The following LRRCC1 variants were observed in gnomAD, a reference collection of about 807,000 sequenced individuals.
LRRCC1 encodes the protein leucine rich repeat and coiled-coil centrosomal protein 1.
LRRCC1 carries 115 observed loss-of-function variants against 126.0 expected under a neutral mutation model. That is an observed-to-expected ratio of 0.91 (90% CI 0.78 to 1.07). The LOEUF (loss-of-function observed/expected upper bound fraction) is 1.07. Among genes scored for constraint, LRRCC1 ranks in the 50% least tolerant of loss-of-function variants. LRRCC1 has a pLI of 0.00. For missense variants in LRRCC1, 1,172 were observed against 1,175.7 expected, an observed-to-expected ratio of 1.00 and a Z score of 0.05; for synonymous variants, 400 against 393.4, an observed-to-expected ratio of 1.02 and a Z score of -0.20.
At chr8:85,123,106 C>T (rs1242359551) in intron 6 of LRRCC1, among the ~76,000 whole-genome samples, 3 of 152,152 alleles carry the variant, frequency 2.0e-5, no homozygotes, top group Admixed American at 2.0e-4. Context: ...TCATTCTGGT[C>T]CATTTTCCAA....
rs1811612426 is a variant in LRRCC1 at position 85,145,479 on chromosome 8, T to C, written c.3067T>C (p.Phe1023Leu). ...GGAAGCAAAAATTAAGCAACTTGCT[T>C]TTGCTTTAAATGAAATTCAGCAAGA... ...TMEAKIKQLA[F>L]ALNEIQQDM The change falls in exon 19 of 19, where the codon TTT (phenylalanine) becomes CTT (leucine). Residue 1023 changes from phenylalanine (F) to leucine (L), a missense_variant. By Grantham distance (22) the Phe-to-Leu change is conservative. Coordinates refer to ENST00000360375, the MANE Select transcript of LRRCC1 (RefSeq NM_033402.5). 1.9e-6 allele frequency: 3 copies of C among 1,588,238 alleles called. No individual in the cohort carries two copies. Among genetic ancestry groups the C allele is most frequent in the Non-Finnish European group, 1.7e-6 (2 of 1,171,644 alleles).
At chr8:85,125,052 T>C (rs1809867336) in intron 8 of LRRCC1, 113 bp downstream of exon 8, 1 of 647,512 alleles carries the variant, frequency 1.5e-6, no homozygotes, top group Non-Finnish European at 2.5e-6. Flanking sequence ...ATTGGAGTGA[T>C]GAAAATGGGT....
chr8:85,140,905 A>C (rs1811204646), intron 17 of LRRCC1, among the ~76,000 whole-genome samples: 1 of 152,102 alleles, frequency 6.6e-6, no homozygotes, highest in Admixed American at 6.6e-5. Flanking sequence ...TCTACTAAAA[A>C]TACAGAAAAT....
At position 85,110,100 on chromosome 8, in the gene LRRCC1, A is replaced by AT; in HGVS notation, c.311-15_311-14insT. On this transcript the variant is annotated splice_polypyrimidine_tract_variant and intron_variant, in intron 2 of 18. Transcript: ENST00000360375. ...TTTTATAAAGGCTTTATTTTATTTT[A>AT]CTTTTTTTTTTTAGGACTTGAAGAA... The AT allele has an allele frequency of 9.8e-7, 1 of 1,022,466 alleles. No individual in the cohort carries two copies. Among genetic ancestry groups the AT allele is most frequent in the Non-Finnish European group, 1.4e-6 (1 of 691,472 alleles). The allele number at this position is 1,022,466 out of a possible 1,614,324, so 63.3% of individuals were successfully genotyped here.
At chr8:85,139,952 C>G (rs921139035) in intron 17 of LRRCC1, among the ~76,000 whole-genome samples, 1 of 152,132 alleles carries the variant, frequency 6.6e-6, no homozygotes, top group Non-Finnish European at 1.5e-5. Flanking sequence ...AGATTCTGTT[C>G]CACTTTGCTT....
intron 1 of LRRCC1, among the ~76,000 whole-genome samples, chr8:85,108,185 T>A (rs1417829255): frequency 6.6e-6 from 1 of 152,260 alleles, no homozygotes; most frequent in Non-Finnish European, 1.5e-5. Flanking sequence ...GCGTGTCCTC[T>A]ACGCGAACTC....
chr8:85,124,930 C>G lies in LRRCC1; in HGVS notation c.1263C>G (p.Asn421Lys). 6.3e-7 allele frequency: 1 copy of G among 1,592,364 alleles called. No individual in the cohort carries two copies. The highest frequency in any genetic ancestry group is 1.4e-5 in the African/African-American group (1 of 73,734). ...IKVDQSHSED[N>K]TYQSLVEQLD... ...TAGACCAAAGTCACTCAGAAGACAACACTTACCAGGTATGATTTAAGAGTT... is the reference window on the plus strand; with the variant it reads ...TAGACCAAAGTCACTCAGAAGACAAGACTTACCAGGTATGATTTAAGAGTT... Residue 421 changes from asparagine (N) to lysine (K), a missense_variant, in exon 8 of 19, where the codon AAC becomes AAG. By Grantham distance (94) the Asn-to-Lys change is moderately conservative (BLOSUM62 0). Transcript: ENST00000360375.
intron 18 of LRRCC1, among the ~76,000 whole-genome samples, chr8:85,143,298 G>A (rs1356447013): frequency 6.6e-6 from 1 of 151,746 alleles, no homozygotes; most frequent in Non-Finnish European, 1.5e-5. Flanking sequence ...TCCAGCCTGG[G>A]CAACAAGAGT....
Position 85,131,813 on chromosome 8 carries a change from T to A in LRRCC1, c.1820T>A (p.Leu607Ter), listed in dbSNP as rs777488794. ...FFTDADFQDA[L>*]AKEIAKEEKK... ...ACTGATGCTGACTTCCAGGATGCCT[T>A]AGCTAAAGAAATAGCCAAAGAAGAG... is the stretch of plus-strand genomic sequence containing the variant. The change falls in exon 12 of 19, where the codon TTA becomes TAA. Residue 607 changes from leucine (L) to a stop codon, truncating the protein, a stop_gained. Coordinates refer to ENST00000360375, the MANE Select transcript of LRRCC1 (RefSeq NM_033402.5). LOFTEE classifies it high-confidence loss of function. 4 of 1,613,830 alleles carry A rather than the reference T, an allele frequency of 2.5e-6. 1 individual carries two copies. In the Admixed American group the frequency reaches 6.7e-5, roughly 27 times the overall value.
At chr8:85,137,985 A>G (rs776504032) in intron 15 of LRRCC1, 50 bp from the exon 16 acceptor site, 6 of 884,318 alleles carry the variant, frequency 6.8e-6, no homozygotes, top group Non-Finnish European at 1.0e-5. Context: ...TAACCAGAAT[A>G]TGAAGCATTT....
intron 14 of LRRCC1, among the ~76,000 whole-genome samples, chr8:85,137,138 T>C (rs1462908887): frequency 6.6e-6 from 1 of 152,188 alleles, no homozygotes; most frequent in Non-Finnish European, 1.5e-5. Context: ...AGATATTTGG[T>C]CTTAATGGAG....
chr8:85,133,508 C>G (rs1810637733), intron 12 of LRRCC1, among the ~76,000 whole-genome samples: 1 of 152,190 alleles, frequency 6.6e-6, no homozygotes, highest in Non-Finnish European at 1.5e-5. Flanking sequence ...GTCTAACCAC[C>G]TATTTAACAT....
At position 85,131,874 on chromosome 8, in the gene LRRCC1, G is replaced by T; in HGVS notation, c.1881G>T (p.Glu627Asp). Residue 627 changes from glutamate (E) to aspartate (D), a missense_variant, in exon 12 of 19, where the codon GAG becomes GAT. Physicochemically the swap from Glu to Asp is conservative, Grantham distance 45. Coordinates refer to ENST00000360375, the MANE Select transcript of LRRCC1 (RefSeq NM_033402.5). The part of the protein sequence containing the change: ...KHEQMIKEYQ[E>D]KIDVLSQQYM... ...AGCAAATGATAAAAGAATACCAAGA[G>T]AAAATTGACGTGTTAAGCCAGCAGT... 6.2e-7 allele frequency: 1 copy of T among 1,613,784 alleles called. No homozygotes were observed. The highest frequency in any genetic ancestry group is 8.5e-7 in the Non-Finnish European group (1 of 1,179,848).
intron 9 of LRRCC1, 124 bp from the exon 10 acceptor site, chr8:85,129,051 T>C: frequency 1.4e-6 from 1 of 730,032 alleles, no homozygotes; most frequent in South Asian, 1.8e-5. Context: ...ATATAGCATA[T>C]CAAACAGGAG....
At chr8:85,124,657 T>C in intron 7 of LRRCC1, 135 bp from the exon 8 acceptor site, 1 of 473,066 alleles carries the variant, frequency 2.1e-6, no homozygotes, top group Non-Finnish European at 3.6e-6. Flanking sequence ...ATGAAGCAGT[T>C]TGTCCAAGTT....
intron 10 of LRRCC1, 126 bp downstream of exon 10, chr8:85,129,505 G>A (rs1453151434): frequency 2.1e-5 from 16 of 767,096 alleles, no homozygotes; most frequent in Admixed American, 8.9e-5. Context: ...TTAAATTGCT[G>A]TTAATTTAAC....
chr8:85,138,034 GT>G lies in LRRCC1; in HGVS notation c.2494del (p.Cys832ValfsTer19). 6.6e-7 allele frequency: 1 copy of G among 1,508,646 alleles called. No individual in the cohort carries two copies. Among genetic ancestry groups the G allele is most frequent in the Non-Finnish European group, 8.9e-7 (1 of 1,120,026 alleles). 93.5% of individuals were successfully genotyped at this position (1,508,646 alleles called of 1,614,324 possible). A position where few individuals can be genotyped will look rare whatever the true frequency, so the allele number is the denominator to read the frequency against. ...QTETIRKLKD[C>X]LQEKDEHIKR... ...ACAAAGTGCCAATTTTTTTCTTAAA[GT>G]GTTTACAAGAAAAAGATGAACACAT... On this transcript the variant is annotated frameshift_variant and splice_region_variant, in exon 16 of 19. Coordinates refer to ENST00000360375, the MANE Select transcript of LRRCC1 (RefSeq NM_033402.5). LOFTEE classifies it high-confidence loss of function.
chr8:85,114,908 G>A (rs1343875868), intron 4 of LRRCC1, among the ~76,000 whole-genome samples, 192 bp from the exon 5 acceptor site: 1 of 152,098 alleles, frequency 6.6e-6, no homozygotes, highest in Non-Finnish European at 1.5e-5. Context: ...TGGAGGAGAA[G>A]TGTTTTGTTT....
intron 6 of LRRCC1, among the ~76,000 whole-genome samples, chr8:85,119,272 G>A (rs989465620): frequency 1.3e-5 from 2 of 151,790 alleles, no homozygotes; most frequent in African/African-American, 4.8e-5. Context: ...AATTTCTATA[G>A]GATCTATAAT....
Sources: gnomAD v4.1 joint callset for allele counts (sites outside exome capture counted in the v4.1 genomes callset) on GRCh38, gnomAD v4.1.1 for gene constraint, MANE v1.5 for transcripts, NCBI Gene and HGNC (gene_info 2026-07-23, HGNC 2026-07-21) for gene names.